FANCC: variants seen among roughly 807,000 people sequenced by gnomAD.
The protein encoded by FANCC is FA complementation group C, also known as Fanconi anemia group C protein.
Under a neutral mutation model 71.3 loss-of-function variants are expected in FANCC, and 55 were observed. That is an observed-to-expected ratio of 0.77 (90% CI 0.62 to 0.97). The LOEUF (loss-of-function observed/expected upper bound fraction) is 0.97, where lower values mean the gene tolerates loss of function less well. FANCC is among the 50% of genes least tolerant of loss of function. The pLI is 0.00. For missense variants in FANCC, 678 were observed against 670.9 expected, an observed-to-expected ratio of 1.01 and a Z score of -0.12; for synonymous variants, 275 against 244.9, an observed-to-expected ratio of 1.12 and a Z score of -1.15.
chr9:95,117,381 C>A lies in FANCC; in HGVS notation c.1006G>T (p.Ala336Ser), dbSNP rs78555330. The A allele has an allele frequency of 1.2e-6, 2 of 1,613,582 alleles. No individual in the cohort carries two copies. Among genetic ancestry groups the A allele is most frequent in the East Asian group, 2.2e-5 (1 of 44,870 alleles). ...LEKASKQLRFALKTYFPYTSP... is the reference protein window; with the variant it reads ...LEKASKQLRFSLKTYFPYTSP... ...GTGTAAGGAAAGTAGGTCTTGAGTG[C>A]AAACCGCAGCTGCCACAGGATGGAA... is the stretch of plus-strand genomic sequence containing the variant. Residue 336 changes from alanine (A) to serine (S), a missense_variant, in exon 11 of 15, where the codon GCA becomes TCA. Coordinates refer to ENST00000289081, the MANE Select transcript of FANCC (RefSeq NM_000136.3).
chr9:95,280,769 T>G (rs1190100458), intron 1 of FANCC, among the ~76,000 whole-genome samples: 2 of 152,188 alleles, frequency 1.3e-5, no homozygotes, highest in Non-Finnish European at 2.9e-5. Flanking sequence ...AAATTCAAAA[T>G]ACTTGTTTTA....
At chr9:95,303,411 T>C (rs1834873291) in intron 1 of FANCC, among the ~76,000 whole-genome samples, 1 of 152,120 alleles carries the variant, frequency 6.6e-6, no homozygotes, top group South Asian at 2.1e-4. Flanking sequence ...TAATATTCTC[T>C]TGCAACGCAT....
intron 1 of FANCC, chr9:95,293,565 T>C (rs1834186639): frequency 6.2e-7 from 1 of 1,613,656 alleles, no homozygotes; most frequent in Admixed American, 1.7e-5. Flanking sequence ...GAACGGCATT[T>C]CTTCAATCAA....
chr9:95,210,461 C>T (rs1828423006), intron 4 of FANCC, among the ~76,000 whole-genome samples: 1 of 152,100 alleles, frequency 6.6e-6, no homozygotes, highest in Non-Finnish European at 1.5e-5. Context: ...ATGACAATCA[C>T]AATGACAATA....
rs537653424 is a variant in FANCC, at chr9:95,244,727, A to T, written c.250+2705T>A. 2.4e-4 allele frequency among the ~76,000 whole-genome samples: 36 copies of T among 148,870 alleles called. No homozygotes were observed. The East Asian group carries it at 6.3e-3, about 26-fold the overall frequency. ...AAAAAAAAAAAACCCAACACTTGGTAAATACCTGCTGAATTAATATGTATG... is the reference window on the plus strand; with the variant it reads ...AAAAAAAAAAAACCCAACACTTGGTTAATACCTGCTGAATTAATATGTATG... On this transcript the variant is annotated intron_variant, in intron 3 of 14. Transcript: ENST00000289081.
chr9:95,255,581 A>C (rs1462776067), intron 1 of FANCC, among the ~76,000 whole-genome samples: 1 of 152,180 alleles, frequency 6.6e-6, no homozygotes, highest in Non-Finnish European at 1.5e-5. Flanking sequence ...TAAATCCATG[A>C]AGATGAGTAA....
intron 4 of FANCC, among the ~76,000 whole-genome samples, chr9:95,180,105 C>G (rs1472532724): frequency 1.3e-5 from 2 of 152,104 alleles, no homozygotes; most frequent in African/African-American, 2.4e-5. Context: ...TATTATGTAT[C>G]AATAAAAATT....
chr9:95,306,905 G>A (rs1432029040), intron 1 of FANCC, among the ~76,000 whole-genome samples: 3 of 151,668 alleles, frequency 2.0e-5, no homozygotes, highest in East Asian at 1.9e-4. Flanking sequence ...ACAGGGTTTC[G>A]CTCTGTCACC....
intron 4 of FANCC, among the ~76,000 whole-genome samples, chr9:95,184,420 T>G (rs1826581410): frequency 6.6e-6 from 1 of 152,012 alleles, no homozygotes; most frequent in African/African-American, 2.4e-5. Flanking sequence ...CCACCTACAT[T>G]TACTTCACTA....
intron 6 of FANCC, among the ~76,000 whole-genome samples, chr9:95,161,297 G>A (rs1830730018): frequency 6.6e-6 from 1 of 152,198 alleles, no homozygotes. Flanking sequence ...GGCCTGGAAG[G>A]AGAAGCCAGC....
rs1046657707 is a variant in FANCC, at chr9:95,193,800, C to T, written c.346-21653G>A. Reference sequence around the variant, plus strand: ...TGAAATACCACACAGGTGTGATAGACGGGATTTGGTGCTCACTGGAGCAAA... The same window carrying T: ...TGAAATACCACACAGGTGTGATAGATGGGATTTGGTGCTCACTGGAGCAAA... On this transcript the variant is annotated intron_variant, in intron 4 of 14. Transcript: ENST00000289081. Among the ~76,000 whole-genome samples the T allele has an allele frequency of 5.3e-5, 8 of 152,132 alleles. No individual in the cohort carries two copies. In the South Asian group the frequency reaches 6.2e-4, roughly 12 times the overall value.
intron 7 of FANCC, among the ~76,000 whole-genome samples, chr9:95,144,854 C>T (rs889550259): frequency 4.6e-5 from 7 of 152,174 alleles, no homozygotes; most frequent in African/African-American, 1.2e-4. Context: ...TCGAGCGCCG[C>T]GCCGCACGTT....
At chr9:95,204,623 T>C (rs1828006346) in intron 4 of FANCC, among the ~76,000 whole-genome samples, 1 of 152,146 alleles carries the variant, frequency 6.6e-6, no homozygotes, top group Non-Finnish European at 1.5e-5. Flanking sequence ...ATATGAAAAT[T>C]AAATCTGTCA....
chr9:95,137,845 G>A (rs1265603797), intron 7 of FANCC, among the ~76,000 whole-genome samples: 1 of 152,240 alleles, frequency 6.6e-6, no homozygotes, highest in Admixed American at 6.5e-5. Context: ...AAGATACAAA[G>A]GGGCGAATGA....
rs773270231 is a variant in FANCC at position 95,107,152 on chromosome 9, C to CAGG, written c.1444_1446dup (p.Pro482dup). On this transcript the variant is annotated inframe_insertion, in exon 14 of 15. Transcript: ENST00000289081. ...AGAAGGTGCCTGATCAGCTGTTGTG[C>CAGG]AGGAGCTCTGAGGTCTGTGTCTGTG... 1 of 1,614,104 alleles carries CAGG rather than the reference C, an allele frequency of 6.2e-7. No individual in the cohort carries two copies. Among genetic ancestry groups the CAGG allele is most frequent in the Non-Finnish European group, 8.5e-7 (1 of 1,180,056 alleles).
chr9:95,274,627 T>G (rs928374881), intron 1 of FANCC, among the ~76,000 whole-genome samples: 3 of 152,210 alleles, frequency 2.0e-5, no homozygotes, highest in Non-Finnish European at 4.4e-5. Context: ...GTTGAACTAA[T>G]TTACACTCCC....
In FANCC at chr9:95,227,222, A is replaced by G. The variant is rs139501547; in HGVS notation, c.345+13427T>C. Among the ~76,000 whole-genome samples, 321 of 152,262 alleles carry G rather than the reference A, an allele frequency of 2.1e-3. 2 individuals carry two copies. The highest frequency in any genetic ancestry group is 0.014 in the Middle Eastern group (4 of 294). On this transcript the variant is annotated intron_variant, in intron 4 of 14. Transcript: ENST00000289081. ...GAAAATTTAAAATGCCCTGCCCGCC[A>G]TAGGTCCTTTTTCCTTTGTCTTTCC...
At chr9:95,292,605 T>G in intron 1 of FANCC, 1 of 1,462,266 alleles carries the variant, frequency 6.8e-7, no homozygotes, top group Non-Finnish European at 9.6e-7. Context: ...CGTGCGCGGC[T>G]GCCGCAAGAT....
intron 10 of FANCC, among the ~76,000 whole-genome samples, chr9:95,120,605 A>G (rs1314239426): frequency 6.6e-6 from 1 of 151,474 alleles, no homozygotes; most frequent in Non-Finnish European, 1.5e-5. Context: ...ACTTTTTTGT[A>G]GAGACTGGGG....
Sources: allele counts gnomAD v4.1 joint callset (sites outside exome capture counted in the v4.1 genomes callset), GRCh38; gene constraint gnomAD v4.1.1; transcripts MANE v1.5; gene names NCBI Gene and HGNC (gene_info 2026-07-23, HGNC 2026-07-21).